The following TMC1 variants were observed in gnomAD, a reference collection of about 807,000 sequenced individuals.
TMC1 encodes transmembrane channel-like protein 1.
In TMC1, 84 loss-of-function variants were observed where a neutral mutation model predicts 105.8. That is an observed-to-expected ratio of 0.79 (90% CI 0.67 to 0.95). TMC1 has a LOEUF of 0.95. Among genes scored for constraint, TMC1 ranks in the 40% least tolerant of loss-of-function variants. TMC1 has a pLI of 0.00. For missense variants in TMC1, 817 were observed against 914.1 expected, an observed-to-expected ratio of 0.89 and a Z score of 1.37; for synonymous variants, 315 against 311.5, an observed-to-expected ratio of 1.01 and a Z score of -0.12.
chr9:72,772,578 G>A (rs758752003), intron 13 of TMC1, 23 bp downstream of exon 13: 2 of 1,613,504 alleles, frequency 1.2e-6, no homozygotes, highest in South Asian at 2.2e-5. Flanking sequence ...TGTCTTTTGG[G>A]AAGCAAATAA....
chr9:72,653,956 G>T (rs941357649), intron 5 of TMC1, among the ~76,000 whole-genome samples: 3 of 152,148 alleles, frequency 2.0e-5, no homozygotes, highest in Non-Finnish European at 4.4e-5. Context: ...AAATTGTTGG[G>T]TGTATCAATA....
chr9:72,670,848 T>C (rs927440008), intron 5 of TMC1, among the ~76,000 whole-genome samples: 15 of 152,176 alleles, frequency 9.9e-5, no homozygotes, highest in African/African-American at 3.6e-4. Flanking sequence ...ATAAAGTCTG[T>C]AAGAAAAGAA....
intron 4 of TMC1, among the ~76,000 whole-genome samples, chr9:72,636,664 C>T (rs112584971): frequency 3.5e-5 from 5 of 144,232 alleles, no homozygotes; most frequent in African/African-American, 5.2e-5. Context: ...GCCAAGATTG[C>T]GCCACTGCAC....
chr9:72,791,356 G>A (rs539954092), intron 15 of TMC1, among the ~76,000 whole-genome samples: 1 of 151,970 alleles, frequency 6.6e-6, no homozygotes, highest in Non-Finnish European at 1.5e-5. Context: ...AAAACTCATT[G>A]TATGTGTTTA....
intron 18 of TMC1, among the ~76,000 whole-genome samples, chr9:72,808,133 C>T (rs1404667843): frequency 6.6e-6 from 1 of 152,238 alleles, no homozygotes; most frequent in Admixed American, 6.5e-5. Context: ...TTCCAAATCC[C>T]TTTCTAGGCC....
intron 2 of TMC1, among the ~76,000 whole-genome samples, chr9:72,613,844 T>C (rs1825077259): frequency 6.6e-6 from 1 of 152,068 alleles, no homozygotes; most frequent in Non-Finnish European, 1.5e-5. Flanking sequence ...ATTTTACCAA[T>C]GGCGAGAAGG....
At chr9:72,576,105 G>A (rs779318212) in intron 1 of TMC1, among the ~76,000 whole-genome samples, 4 of 152,302 alleles carry the variant, frequency 2.6e-5, no homozygotes, top group Middle Eastern at 3.4e-3. Context: ...TGGCATACTC[G>A]TGGTGGAATC....
rs7035559 is a variant in TMC1, at chr9:72,767,899, G to A, written c.742-4514G>A. 5.0e-3 allele frequency among the ~76,000 whole-genome samples: 755 copies of A among 152,348 alleles called. 8 individuals are homozygous for A. The highest frequency in any genetic ancestry group is 0.017 in the African/African-American group (722 of 41,574). On this transcript the variant is annotated intron_variant, in intron 12 of 23. Coordinates refer to ENST00000297784, the MANE Select transcript of TMC1 (RefSeq NM_138691.3). ...TCTGCTGCTGTAGTTTTAAGGGACA[G>A]GGAAAGATGAGTGGAGTGTGGCATG...
chr9:72,829,437 T>G (rs1345455009), intron 21 of TMC1, among the ~76,000 whole-genome samples: 1 of 152,198 alleles, frequency 6.6e-6, no homozygotes, highest in Non-Finnish European at 1.5e-5. Flanking sequence ...ACTTGTGAAA[T>G]CTTTGAGTTC....
At chr9:72,526,821 A>G (rs138284431) in intron 1 of TMC1, among the ~76,000 whole-genome samples, 22 of 152,226 alleles carry the variant, frequency 1.4e-4, no homozygotes, top group Non-Finnish European at 2.4e-4. Flanking sequence ...GAGACCACAT[A>G]TGGTCAGCTC....
intron 2 of TMC1, among the ~76,000 whole-genome samples, chr9:72,587,245 G>A (rs1375762404): frequency 3.3e-5 from 5 of 151,154 alleles, no homozygotes; most frequent in East Asian, 1.9e-4. Context: ...TGCAACCTCT[G>A]CCTCCTGGGT....
At chr9:72,641,126 C>T (rs1221562637) in intron 4 of TMC1, among the ~76,000 whole-genome samples, 3 of 152,156 alleles carry the variant, frequency 2.0e-5, no homozygotes, top group Admixed American at 2.0e-4. Flanking sequence ...CAGGGCCTCA[C>T]TCTGTTGCCC....
intron 4 of TMC1, among the ~76,000 whole-genome samples, chr9:72,640,667 C>T (rs941694830): frequency 6.6e-6 from 1 of 150,946 alleles, no homozygotes; most frequent in African/African-American, 2.4e-5. Flanking sequence ...GAGTGCCGCT[C>T]TGTCGCCCAG....
intron 10 of TMC1, 90 bp downstream of exon 10, chr9:72,742,615 T>C (rs1827409456): frequency 2.8e-6 from 3 of 1,086,004 alleles, no homozygotes; most frequent in Non-Finnish European, 2.8e-6. Flanking sequence ...TTCTGGACTT[T>C]TGGGAAGACT....
chr9:72,798,687 G>A (rs1416348255), intron 17 of TMC1, among the ~76,000 whole-genome samples: 1 of 152,086 alleles, frequency 6.6e-6, no homozygotes. Context: ...CTACTTGAGG[G>A]TGGAGGGTGA....
Position 72,826,857 on chromosome 9 carries a change from T to A in TMC1, c.2004-12T>A, listed in dbSNP as rs778448137. The A allele has an allele frequency of 6.8e-6, 11 of 1,613,736 alleles. No individual in the cohort carries two copies. The highest frequency in any genetic ancestry group is 8.5e-6 in the Non-Finnish European group (10 of 1,179,754). On this transcript the variant is annotated splice_polypyrimidine_tract_variant and intron_variant, in intron 20 of 23. Coordinates refer to ENST00000297784, the MANE Select transcript of TMC1 (RefSeq NM_138691.3). ...CTTAATAAACTTATCTCCCCCTTTT[T>A]AATTCCCCCAGTGGCAAAAATAGAA... is the stretch of plus-strand genomic sequence containing the variant.
At chr9:72,702,445 G>C (rs1826660724) in intron 8 of TMC1, among the ~76,000 whole-genome samples, 1 of 152,106 alleles carries the variant, frequency 6.6e-6, no homozygotes, top group Non-Finnish European at 1.5e-5. Context: ...TTATGAAATT[G>C]TACCTTATTG....
chr9:72,649,644 C>A (rs1279732005), intron 5 of TMC1, among the ~76,000 whole-genome samples: 1 of 152,046 alleles, frequency 6.6e-6, no homozygotes, highest in African/African-American at 2.4e-5. Flanking sequence ...ACAAAACAAC[C>A]ACTTCTTATG....
At chr9:72,532,311 C>T (rs566428761) in intron 1 of TMC1, among the ~76,000 whole-genome samples, 4 of 151,926 alleles carry the variant, frequency 2.6e-5, no homozygotes, top group East Asian at 2.0e-4. Flanking sequence ...GAGGTTGAGG[C>T]GGGCAGATCA....
Sources: gnomAD v4.1 joint callset for allele counts (sites outside exome capture counted in the v4.1 genomes callset) on GRCh38, gnomAD v4.1.1 for gene constraint, MANE v1.5 for transcripts, NCBI Gene and HGNC (gene_info 2026-07-23, HGNC 2026-07-21) for gene names.